Variants in PDE1A observed in about 807,000 individuals in gnomAD.
PDE1A encodes phosphodiesterase 1A, also known as dual specificity calcium/calmodulin-dependent 3',5'-cyclic nucleotide phosphodiesterase 1A.
PDE1A carries 35 observed loss-of-function variants against 61.7 expected under a neutral mutation model. That is an observed-to-expected ratio of 0.57 (90% CI 0.43 to 0.75). PDE1A has a LOEUF of 0.75. PDE1A is among the 30% of genes least tolerant of loss of function. The probability of loss-of-function intolerance (pLI) is 0.00; values close to 1 mark genes in which losing one functional copy is unlikely to be tolerated. For synonymous variants in PDE1A, 232 were observed against 213.2 expected (o/e 1.09, Z -0.77); for missense variants, 597 against 630.6 (o/e 0.95, Z 0.57).
chr2:182,268,404 T>C (rs1692784167), intron 1 of PDE1A, among the ~76,000 whole-genome samples: 1 of 152,028 alleles, frequency 6.6e-6, no homozygotes, highest in Non-Finnish European at 1.5e-5. Flanking sequence ...TAAGAATACA[T>C]ATGTATACAT....
chr2:182,305,209 T>A (rs12469046), intron 1 of PDE1A, among the ~76,000 whole-genome samples: 2,194 of 152,310 alleles, frequency 0.014, 181 homozygotes, highest in Admixed American at 0.13. Flanking sequence ...TAAATTCAAA[T>A]CTTTTTTTCA....
At chr2:182,613,912 A>G in the PDE1A span, among the ~76,000 whole-genome samples, 1 of 152,202 alleles carries the variant, frequency 6.6e-6, no homozygotes, top group African/African-American at 2.4e-5. Context: ...ACTCCTTTCA[A>G]TGATGACATA....
chr2:182,256,222 C>A (rs2125755116), intron 2 of PDE1A, among the ~76,000 whole-genome samples: 1 of 132,450 alleles, frequency 7.6e-6, no homozygotes, highest in African/African-American at 3.1e-5. Flanking sequence ...TCTCCCCATG[C>A]TATCCCTCCC....
the PDE1A span, among the ~76,000 whole-genome samples, chr2:182,554,490 T>A: frequency 6.6e-6 from 1 of 152,164 alleles, no homozygotes; most frequent in African/African-American, 2.4e-5. Context: ...CTTGATCATC[T>A]CCAGGAATGA....
the PDE1A span, among the ~76,000 whole-genome samples, chr2:182,693,715 C>T: frequency 2.0e-5 from 3 of 150,112 alleles, no homozygotes; most frequent in Admixed American, 6.7e-5. Flanking sequence ...GGCGCAAACT[C>T]GGCTCACTGC....
At chr2:182,605,246 C>A in the PDE1A span, among the ~76,000 whole-genome samples, 1 of 152,084 alleles carries the variant, frequency 6.6e-6, no homozygotes, top group Non-Finnish European at 1.5e-5. Context: ...TGTGGTACTA[C>A]CCATCAGGGC....
chr2:182,262,481 G>A (rs1692295329), intron 2 of PDE1A, among the ~76,000 whole-genome samples: 1 of 152,102 alleles, frequency 6.6e-6, no homozygotes, highest in Non-Finnish European at 1.5e-5. Context: ...TGCACAGGCT[G>A]GTTGTGAACT....
intron 2 of PDE1A, among the ~76,000 whole-genome samples, chr2:182,516,706 A>G (rs1041496744): frequency 4.6e-3 from 137 of 29,816 alleles, no homozygotes; most frequent in Non-Finnish European, 7.0e-3. Flanking sequence ...GGAAGGGAGG[A>G]AGGAAGGAAG....
chr2:182,160,967 C>T (rs541150973), intron 13 of PDE1A, among the ~76,000 whole-genome samples: 3 of 152,240 alleles, frequency 2.0e-5, no homozygotes, highest in South Asian at 4.1e-4. Flanking sequence ...TATAGAGATA[C>T]ACAAAATAAA....
the PDE1A span, among the ~76,000 whole-genome samples, chr2:182,684,203 G>T: frequency 6.7e-6 from 1 of 150,088 alleles, no homozygotes; most frequent in African/African-American, 2.4e-5. Context: ...ATATAAAAAT[G>T]ATACACCAAA....
chr2:182,552,999 G>A, the PDE1A span, among the ~76,000 whole-genome samples: 1 of 152,176 alleles, frequency 6.6e-6, no homozygotes, highest in African/African-American at 2.4e-5. Flanking sequence ...CCAGCGAGGG[G>A]CCCATTGCCA....
At chr2:182,389,567 A>T (rs1265532467) in intron 1 of PDE1A, among the ~76,000 whole-genome samples, 6 of 152,220 alleles carry the variant, frequency 3.9e-5, no homozygotes, top group Admixed American at 3.9e-4. Flanking sequence ...ATAAAACCAA[A>T]TAAAAGCAAA....
the PDE1A span, among the ~76,000 whole-genome samples, chr2:182,555,554 T>A: frequency 7.2e-5 from 11 of 152,340 alleles, no homozygotes; most frequent in East Asian, 2.1e-3. Flanking sequence ...CATTTAAGAA[T>A]ATGTACTAAG....
intron 1 of PDE1A, among the ~76,000 whole-genome samples, chr2:182,313,805 T>G (rs1269017467): frequency 1.3e-5 from 2 of 152,200 alleles, no homozygotes; most frequent in East Asian, 3.8e-4. Context: ...GAAGTCCACT[T>G]AAGTACACTT....
the PDE1A span, among the ~76,000 whole-genome samples, chr2:182,667,391 T>C: frequency 6.6e-6 from 1 of 152,166 alleles, no homozygotes; most frequent in African/African-American, 2.4e-5. Context: ...TCATCCCTAT[T>C]GGAATCAGGG....
chr2:182,219,555 G>T (rs566397141), intron 7 of PDE1A, among the ~76,000 whole-genome samples: 1 of 152,138 alleles, frequency 6.6e-6, no homozygotes, highest in African/African-American at 2.4e-5. Flanking sequence ...AGAAAGTCAA[G>T]TTAAAACTTG....
chr2:182,653,935 C>T, the PDE1A span, among the ~76,000 whole-genome samples: 2 of 152,272 alleles, frequency 1.3e-5, no homozygotes, highest in African/African-American at 4.8e-5. Context: ...ATCATCGTCA[C>T]TACACATGGA....
At chr2:182,603,411 G>T in the PDE1A span, among the ~76,000 whole-genome samples, 1 of 151,948 alleles carries the variant, frequency 6.6e-6, no homozygotes, top group Non-Finnish European at 1.5e-5. Flanking sequence ...CAGTGGCGCC[G>T]TCTCAGTTCA....
chr2:182,240,498 G>A (rs752866971), intron 2 of PDE1A, among the ~76,000 whole-genome samples: 3 of 152,066 alleles, frequency 2.0e-5, no homozygotes, highest in Non-Finnish European at 4.4e-5. Context: ...AGACAACAAC[G>A]AATAGACTTG....
Sources: allele counts gnomAD v4.1 joint callset (sites outside exome capture counted in the v4.1 genomes callset), GRCh38; gene constraint gnomAD v4.1.1; transcripts MANE v1.5; gene names NCBI Gene and HGNC (gene_info 2026-07-23, HGNC 2026-07-21).